KLHL32: variants seen among roughly 807,000 people sequenced by gnomAD.
The protein encoded by KLHL32 is kelch like family member 32.
A neutral mutation model predicts 64.8 loss-of-function variants in KLHL32; 35 were observed. The observed-to-expected ratio is 0.54, with a 90% confidence interval of 0.41 to 0.72. KLHL32 has a LOEUF of 0.72. KLHL32 is among the 30% of genes least tolerant of loss of function. The probability of loss-of-function intolerance (pLI) is 0.00; values close to 1 mark genes in which losing one functional copy is unlikely to be tolerated. For missense variants in KLHL32, 589 were observed against 768.5 expected (o/e 0.77, Z 2.76); for synonymous variants, 259 against 281.0 (o/e 0.92, Z 0.78).
At chr6:96,954,980 T>C (rs571014555) in intron 1 of KLHL32, among the ~76,000 whole-genome samples, 3 of 152,332 alleles carry the variant, frequency 2.0e-5, no homozygotes, top group South Asian at 4.1e-4. Context: ...AAGATCAAGA[T>C]GCTGCCAGAT....
chr6:97,102,671 C>T (rs117044252), intron 6 of KLHL32, among the ~76,000 whole-genome samples: 4,277 of 152,152 alleles, frequency 0.028, 83 homozygotes, highest in South Asian at 0.047. Context: ...GGGTGTTATT[C>T]TATAACTGTA....
rs199552121 is a variant in KLHL32 at position 97,057,172 on chromosome 6, C to CTTTTTTTTTTT, written c.313-7437_313-7427dup. Among the ~76,000 whole-genome samples, 13 of 64,998 alleles carry CTTTTTTTTTTT rather than the reference C, an allele frequency of 2.0e-4. 2 individuals are homozygous for CTTTTTTTTTTT. The highest frequency in any genetic ancestry group is 1.1e-3 in the African/African-American group (12 of 11,318). 42.6% of individuals were successfully genotyped at this position (64,998 alleles called of 152,430 possible). A position where few individuals can be genotyped will look rare whatever the true frequency, so the allele number is the denominator to read the frequency against. The stretch of plus-strand genomic sequence containing the variant: ...AAATGCAGTTTTCCTATGTGAGTAT[C>CTTTTTTTTTTT]TTTTTTTTTTTTTTTTTTTTTTTTT... On this transcript the variant is annotated intron_variant, in intron 4 of 10. Coordinates refer to ENST00000369261, the MANE Select transcript of KLHL32 (RefSeq NM_052904.4).
chr6:97,065,408 G>A (rs558819770), intron 5 of KLHL32, among the ~76,000 whole-genome samples: 27 of 152,302 alleles, frequency 1.8e-4, no homozygotes, highest in Admixed American at 6.5e-4. Flanking sequence ...AATATGGCTG[G>A]TAGGACGTTC....
intron 3 of KLHL32, among the ~76,000 whole-genome samples, chr6:96,983,648 G>T (rs1776628571): frequency 6.6e-6 from 1 of 152,246 alleles, no homozygotes; most frequent in Admixed American, 6.5e-5. Flanking sequence ...ATTTCTTCTA[G>T]ATTTTCTAGT....
At chr6:96,915,124 T>C in the KLHL32 span, 1 of 152,204 alleles carries the variant, frequency 6.6e-6, no homozygotes, top group African/African-American at 2.4e-5. Flanking sequence ...ATTTATAGCT[T>C]CCCATTATTT....
chr6:97,027,265 TC>T (rs1161090338), intron 3 of KLHL32, among the ~76,000 whole-genome samples: 2 of 152,078 alleles, frequency 1.3e-5, no homozygotes, highest in Non-Finnish European at 2.9e-5. Context: ...CTGCTCCTGG[TC>T]CCTATTTATA....
rs1800599878 is a variant in KLHL32 at position 97,140,706 on chromosome 6, C to G, written c.*1424C>G. On this transcript the variant is annotated 3_prime_UTR_variant, in exon 11 of 11. Transcript: ENST00000369261. ...GGAAATTGTTATTTTATTCATGTAACCTTTTTTTGTAATCAAAAGTGAATA... is the reference window on the plus strand; with the variant it reads ...GGAAATTGTTATTTTATTCATGTAAGCTTTTTTTGTAATCAAAAGTGAATA... 6.6e-6 allele frequency: 1 copy of G among 151,886 alleles called. No individual in the cohort carries two copies. The highest frequency in any genetic ancestry group is 1.5e-5 in the Non-Finnish European group (1 of 67,836). 9.4% of individuals were successfully genotyped at this position (151,886 alleles called of 1,614,324 possible).
the KLHL32 span, among the ~76,000 whole-genome samples, chr6:96,898,919 A>G: frequency 7.2e-5 from 11 of 152,348 alleles, no homozygotes; most frequent in Non-Finnish European, 1.5e-4. Context: ...ATCTCTGCTT[A>G]GCAAAATGAA....
chr6:97,120,200 G>A (rs1480202065), intron 7 of KLHL32, among the ~76,000 whole-genome samples: 1 of 152,064 alleles, frequency 6.6e-6, no homozygotes, highest in Non-Finnish European at 1.5e-5. Flanking sequence ...ACATGAGAAG[G>A]GAGGGACCCT....
intron 1 of KLHL32, among the ~76,000 whole-genome samples, chr6:96,956,786 T>C (rs748834172): frequency 6.6e-6 from 1 of 152,218 alleles, no homozygotes; most frequent in Non-Finnish European, 1.5e-5. Flanking sequence ...TTAGCACATG[T>C]ACATACATAC....
intron 8 of KLHL32, among the ~76,000 whole-genome samples, chr6:97,128,415 G>T (rs1240658414): frequency 2.6e-5 from 4 of 152,186 alleles, no homozygotes; most frequent in African/African-American, 9.6e-5. Flanking sequence ...TGAGTTTGGT[G>T]CACATGTGGT....
the KLHL32 span, among the ~76,000 whole-genome samples, chr6:96,902,848 T>C: frequency 6.6e-6 from 1 of 152,190 alleles, no homozygotes; most frequent in Non-Finnish European, 1.5e-5. Flanking sequence ...TAGGGAATCC[T>C]TTCCCCCATT....
intron 3 of KLHL32, among the ~76,000 whole-genome samples, chr6:96,989,074 T>G (rs896050486): frequency 4.6e-5 from 7 of 152,226 alleles, no homozygotes; most frequent in African/African-American, 1.4e-4. Context: ...CTGCACGTTG[T>G]GCACATGTAC....
chr6:96,995,630 C>T (rs73494880), intron 3 of KLHL32, among the ~76,000 whole-genome samples: 18 of 152,288 alleles, frequency 1.2e-4, no homozygotes, highest in African/African-American at 4.3e-4. Flanking sequence ...ATTCTTTCCA[C>T]CTCAGGGCCT....
At chr6:96,965,383 T>C (rs1774343095) in intron 1 of KLHL32, among the ~76,000 whole-genome samples, 1 of 152,194 alleles carries the variant, frequency 6.6e-6, no homozygotes, top group Admixed American at 6.5e-5. Context: ...ACGATAAATG[T>C]CTGTAAAAGA....
chr6:96,979,095 G>A (rs553760621), intron 3 of KLHL32, among the ~76,000 whole-genome samples: 2 of 152,032 alleles, frequency 1.3e-5, no homozygotes, highest in South Asian at 4.2e-4. Context: ...CATTTTGTGG[G>A]GTGTGTTTGT....
At chr6:96,981,980 A>C (rs1039903029) in intron 3 of KLHL32, among the ~76,000 whole-genome samples, 1 of 152,038 alleles carries the variant, frequency 6.6e-6, no homozygotes, top group Non-Finnish European at 1.5e-5. Context: ...TTGAGTCATC[A>C]ATTTCAGAGT....
At chr6:96,933,236 C>T (rs960135815) in intron 1 of KLHL32, among the ~76,000 whole-genome samples, 2 of 152,194 alleles carry the variant, frequency 1.3e-5, no homozygotes, top group African/African-American at 2.4e-5. Flanking sequence ...CCTCAAAACA[C>T]GTGCCTTGAT....
intron 6 of KLHL32, among the ~76,000 whole-genome samples, chr6:97,101,002 CT>C: frequency 8.6e-6 from 1 of 116,138 alleles, no homozygotes; most frequent in Non-Finnish European, 1.7e-5. Context: ...GAGACAGGGC[CT>C]CCCTATGTTG....
Sources: allele counts gnomAD v4.1 joint callset (sites outside exome capture counted in the v4.1 genomes callset), GRCh38; gene constraint gnomAD v4.1.1; transcripts MANE v1.5; gene names NCBI Gene and HGNC (gene_info 2026-07-23, HGNC 2026-07-21).